Variants in CYB561 observed in about 807,000 individuals in gnomAD.
CYB561 encodes the protein transmembrane ascorbate-dependent reductase CYB561.
Under a neutral mutation model 25.3 loss-of-function variants are expected in CYB561, and 11 were observed. That is an observed-to-expected ratio of 0.44 (90% CI 0.27 to 0.72). The LOEUF (loss-of-function observed/expected upper bound fraction) is 0.72, where lower values mean the gene tolerates loss of function less well. Among genes scored for constraint, CYB561 ranks in the 30% least tolerant of loss-of-function variants. CYB561 has a pLI of 0.18. For missense variants in CYB561, 295 were observed against 334.9 expected (o/e 0.88, Z 0.93); for synonymous variants, 165 against 158.8 (o/e 1.04, Z -0.29).
chr17:63,433,432 C>CAGAT lies in CYB561; in HGVS notation c.*966_*969dup. On this transcript the variant is annotated 3_prime_UTR_variant, in exon 6 of 6. Transcript: ENST00000360793. ...CCTGACTTCCTGGAAAGATGGGCAGCAGATAAGGAGAAGGCTCGTCCTCCA... is the reference window on the plus strand; with the variant it reads ...CCTGACTTCCTGGAAAGATGGGCAGCAGATAGATAAGGAGAAGGCTCGTCCTCCA... 7.5e-6 allele frequency: 3 copies of CAGAT among 398,834 alleles called. No individual in the cohort carries two copies. Among genetic ancestry groups the CAGAT allele is most frequent in the Non-Finnish European group, 1.3e-5 (3 of 226,258 alleles). 24.7% of individuals were successfully genotyped at this position (398,834 alleles called of 1,614,324 possible). A position where few individuals can be genotyped will look rare whatever the true frequency, so the allele number is the denominator to read the frequency against.
rs780601121 is a variant in CYB561, at chr17:63,436,416, A to C, written c.203-264T>G. On this transcript the variant is annotated intron_variant, in intron 2 of 5. Transcript: ENST00000360793. This position sits in a 1 kb window ranked among gnomAD's most constrained non-coding sequence, Gnocchi z 4.8. Reference sequence around the variant, plus strand: ...TCCCCCAGCTGTGCACAAAGAGGGCAGGGCCGGAGGCTGCACCACAGTCCC... The same window carrying C: ...TCCCCCAGCTGTGCACAAAGAGGGCCGGGCCGGAGGCTGCACCACAGTCCC... The C allele has an allele frequency of 7.1e-6, 3 of 425,296 alleles. No individual in the cohort carries two copies. Among genetic ancestry groups the C allele is most frequent in the Non-Finnish European group, 1.3e-5 (3 of 232,320 alleles). 26.3% of individuals were successfully genotyped at this position (425,296 alleles called of 1,614,324 possible). A position where few individuals can be genotyped will look rare whatever the true frequency, so the allele number is the denominator to read the frequency against.
At chr17:63,439,142 G>A (rs1200847315) in intron 1 of CYB561, 2 of 152,372 alleles carry the variant, frequency 1.3e-5, no homozygotes, top group East Asian at 3.8e-4. Flanking sequence ...CAGTGCCCAG[G>A]AGCTGGTTTT....
At chr17:63,444,577 G>A (rs2049405725) in intron 1 of CYB561, among the ~76,000 whole-genome samples, 1 of 152,136 alleles carries the variant, frequency 6.6e-6, no homozygotes, top group Non-Finnish European at 1.5e-5. Context: ...AGAGCCAGAT[G>A]GCAGCCGTCT....
chr17:63,445,540 C>T (rs2049415129), intron 1 of CYB561, among the ~76,000 whole-genome samples: 1 of 146,488 alleles, frequency 6.8e-6, no homozygotes, highest in African/African-American at 2.5e-5. Context: ...AAGGGGACCC[C>T]AGATCCACAC....
chr17:63,439,711 C>A (rs1328908714), intron 1 of CYB561, among the ~76,000 whole-genome samples: 2 of 152,296 alleles, frequency 1.3e-5, no homozygotes, highest in South Asian at 4.1e-4. Context: ...GAAGCAGGAT[C>A]ATTTATTCCA....
chr17:63,444,770 G>A (rs2049407762), intron 1 of CYB561, among the ~76,000 whole-genome samples: 1 of 152,176 alleles, frequency 6.6e-6, no homozygotes, highest in Non-Finnish European at 1.5e-5. Context: ...GCTTTCAGAG[G>A]GGGTTAATTT....
chr17:63,436,215 C>T lies in CYB561; in HGVS notation c.203-63G>A. 1 of 1,575,070 alleles carries T rather than the reference C, an allele frequency of 6.3e-7. No individual in the cohort carries two copies. On this transcript the variant is annotated intron_variant, in intron 2 of 5. Transcript: ENST00000360793. The surrounding 1 kb of genome is among the most constrained non-coding windows in gnomAD (Gnocchi z 4.8). ...CTGTGCGTGAGGCCTCCTGCCCCAG[C>T]AGCAAGGAGGCACCTTGGTGGAGAG...
Position 63,438,158 on chromosome 17 carries a change from G to T in CYB561, c.-13-598C>A, listed in dbSNP as rs1256654429. The stretch of plus-strand genomic sequence containing the variant: ...CGCCAGGAGTTCCATATGCGGTGAG[G>T]GTGCAAGGAAAGATACCCCAAATTC... On this transcript the variant is annotated intron_variant, in intron 1 of 5. Coordinates refer to ENST00000360793, the MANE Select transcript of CYB561 (RefSeq NM_001915.4). 7 of 1,535,634 alleles carry T rather than the reference G, an allele frequency of 4.6e-6. No individual in the cohort carries two copies. The South Asian group carries it at 8.3e-5, about 18-fold the overall frequency.
intron 1 of CYB561, among the ~76,000 whole-genome samples, chr17:63,439,562 A>G (rs1263578682): frequency 2.6e-5 from 4 of 151,652 alleles, no homozygotes; most frequent in South Asian, 2.1e-4. Context: ...TAAAAAAAAA[A>G]GGGTGTGTGT....
Position 63,436,010 on chromosome 17 carries a change from A to C in CYB561, c.301+44T>G, listed in dbSNP as rs1403295718. On this transcript the variant is annotated intron_variant, in intron 3 of 5. Coordinates refer to ENST00000360793, the MANE Select transcript of CYB561 (RefSeq NM_001915.4). The surrounding 1 kb of genome is among the most constrained non-coding windows in gnomAD (Gnocchi z 4.8). ...GTGAAGCGGCTGTTTGCCATACCTG[A>C]AGAGGCAGGCAGGTGGCGGGGAAGG... 1.2e-6 allele frequency: 2 copies of C among 1,613,562 alleles called. No individual in the cohort carries two copies. The highest frequency in any genetic ancestry group is 3.3e-5 in the Admixed American group (2 of 60,024).
chr17:63,442,127 A>G (rs138004309), intron 1 of CYB561, among the ~76,000 whole-genome samples: 127 of 152,338 alleles, frequency 8.3e-4, no homozygotes, highest in African/African-American at 2.9e-3. Flanking sequence ...TCTAAGTGTA[A>G]GGATGAAAGG....
chr17:63,442,186 G>A (rs923260827), intron 1 of CYB561, among the ~76,000 whole-genome samples: 8 of 152,238 alleles, frequency 5.3e-5, no homozygotes, highest in African/African-American at 1.9e-4. Context: ...GGTTCTGAGC[G>A]TGGCTCTGTG....
chr17:63,434,528 G>T lies in CYB561; in HGVS notation c.630C>A (p.Cys210Ter). The T allele has an allele frequency of 6.2e-7, 1 of 1,613,466 alleles. No homozygotes were observed. The highest frequency in any genetic ancestry group is 8.5e-7 in the Non-Finnish European group (1 of 1,179,978). The change falls in exon 6 of 6, where the codon TGC becomes TGA. Residue 210 changes from cysteine to a stop codon, truncating the protein, a stop_gained. Transcript: ENST00000360793. LOFTEE classifies it high-confidence loss of function. ...AGATGTAGAGCACCGCCCCACCGAA[G>T]CAGGCCAGCAGCAGGCCCAGCACGT... ...LANVLGLLLACFGGAVLYILT... is the reference protein window; with the variant it reads ...LANVLGLLLA
Position 63,436,286 on chromosome 17 carries a change from C to A in CYB561, c.203-134G>T, listed in dbSNP as rs552791192. 5.1e-6 allele frequency: 6 copies of A among 1,184,678 alleles called. No homozygotes were observed. Among genetic ancestry groups the A allele is most frequent in the Non-Finnish European group, 5.9e-6 (5 of 854,644 alleles). The allele number at this position is 1,184,678 out of a possible 1,614,324, so 73.4% of individuals were successfully genotyped here. A position where few individuals can be genotyped will look rare whatever the true frequency, so the allele number is the denominator to read the frequency against. ...GTAACAGGAGCCTAGCTGCAGGAAC[C>A]GGAGGAGAAAGCCAGGTTCCCTGGG... is the stretch of plus-strand genomic sequence containing the variant. On this transcript the variant is annotated intron_variant, in intron 2 of 5. Transcript: ENST00000360793. The surrounding 1 kb of genome is among the most constrained non-coding windows in gnomAD (Gnocchi z 4.8).
At chr17:63,435,340 G>T in intron 4 of CYB561, 97 bp from the exon 5 acceptor site, 1 of 1,354,774 alleles carries the variant, frequency 7.4e-7, no homozygotes, top group Non-Finnish European at 1.0e-6. Context: ...CGTGGCGACT[G>T]TGAGCCCCTC....
chr17:63,433,490 G>A lies in CYB561; in HGVS notation c.*912C>T. The A allele has an allele frequency of 5.0e-6, 2 of 398,736 alleles. No individual in the cohort carries two copies. Among genetic ancestry groups the A allele is most frequent in the Non-Finnish European group, 8.8e-6 (2 of 226,302 alleles). The allele number at this position is 398,736 out of a possible 1,614,324, so 24.7% of individuals were successfully genotyped here. A position where few individuals can be genotyped will look rare whatever the true frequency, so the allele number is the denominator to read the frequency against. On this transcript the variant is annotated 3_prime_UTR_variant, in exon 6 of 6. Transcript: ENST00000360793. ...GGCAGCAGCTCCAGCAGCCCCAGGG[G>A]GCTCTAGCCACAGCCAGCAGCAGCG...
At chr17:63,443,633 TTTG>T (rs1568026327) in intron 1 of CYB561, among the ~76,000 whole-genome samples, 1 of 152,198 alleles carries the variant, frequency 6.6e-6, no homozygotes, top group East Asian at 1.9e-4. Context: ...AATTAATTTT[TTTG>T]TTGTTGTTGT....
intron 1 of CYB561, chr17:63,437,782 C>T: frequency 2.2e-6 from 1 of 446,178 alleles, no homozygotes; most frequent in Non-Finnish European, 4.0e-6. Flanking sequence ...CGCGCAACAC[C>T]CCCCCCGGGT....
intron 1 of CYB561, among the ~76,000 whole-genome samples, chr17:63,441,166 G>A (rs2049371425): frequency 6.6e-6 from 1 of 152,230 alleles, no homozygotes; most frequent in South Asian, 2.1e-4. Context: ...ACAGTGAAAT[G>A]CCCGGCCTGG....
Sources: allele counts gnomAD v4.1 joint callset (sites outside exome capture counted in the v4.1 genomes callset), GRCh38; gene constraint gnomAD v4.1.1; non-coding constraint Gnocchi (gnomAD v3.1); transcripts MANE v1.5; gene names NCBI Gene and HGNC (gene_info 2026-07-23, HGNC 2026-07-21).